Variants in SLC44A1 observed in about 807,000 individuals in gnomAD.
SLC44A1 encodes solute carrier family 44 member 1.
In SLC44A1, 26 loss-of-function variants were observed where a neutral mutation model predicts 79.3. The ratio of observed to expected loss-of-function variants is 0.33; its 90% CI spans 0.24 to 0.46. The LOEUF is 0.46. Ranked by LOEUF, SLC44A1 falls within the 20% of genes least tolerant of loss-of-function variation. The probability of loss-of-function intolerance (pLI) is 1.00; values close to 1 mark genes in which losing one functional copy is unlikely to be tolerated. For synonymous variants in SLC44A1, 263 were observed against 286.2 expected (o/e 0.92, Z 0.82); for missense variants, 688 against 798.1 (o/e 0.86, Z 1.66).
intron 12 of SLC44A1, among the ~76,000 whole-genome samples, chr9:105,367,190 T>A (rs574543073): frequency 3.3e-5 from 5 of 152,308 alleles, no homozygotes; most frequent in African/African-American, 7.2e-5. Flanking sequence ...AATGTATTAA[T>A]GCCCTCATCT....
At chr9:105,245,685 G>T (rs1333466906) in intron 1 of SLC44A1, among the ~76,000 whole-genome samples, 3 of 152,222 alleles carry the variant, frequency 2.0e-5, no homozygotes, top group Non-Finnish European at 4.4e-5. Flanking sequence ...AAGAGGTTCC[G>T]AATTTAGTTT....
intron 15 of SLC44A1, among the ~76,000 whole-genome samples, chr9:105,423,499 G>T (rs1267892794): frequency 1.3e-5 from 2 of 152,074 alleles, no homozygotes; most frequent in African/African-American, 4.8e-5. Flanking sequence ...TCAAGAATGT[G>T]CACATTTTTA....
Position 105,391,505 on chromosome 9 carries a change from A to G in SLC44A1, c.*2449A>G. 1 of 985,690 alleles carries G rather than the reference A, an allele frequency of 1.0e-6. No homozygotes were observed. Among genetic ancestry groups the G allele is most frequent in the Non-Finnish European group, 1.2e-6 (1 of 829,896 alleles). The allele number at this position is 985,690 out of a possible 1,614,324, so 61.1% of individuals were successfully genotyped here. On this transcript the variant is annotated 3_prime_UTR_variant, in exon 16 of 16. Transcript: ENST00000374720. Reference sequence around the variant, plus strand: ...GTAAATTCATGTGCCGTGTAGAAATATGCAGATATGCATTACACAGGCACA... The same window carrying G: ...GTAAATTCATGTGCCGTGTAGAAATGTGCAGATATGCATTACACAGGCACA...
chr9:105,396,907 T>C lies in SLC44A1; in HGVS notation c.*7851T>C, dbSNP rs1828887845. ...TTATTACAGTGTCACTACACTGTAT[T>C]CATGTGGGGGAACAAACATGTAGGT... On this transcript the variant is annotated 3_prime_UTR_variant, in exon 16 of 16. Coordinates refer to ENST00000374720, the MANE Select transcript of SLC44A1 (RefSeq NM_080546.5). The C allele has an allele frequency of 1.0e-6, 1 of 985,110 alleles. No individual in the cohort carries two copies. Among genetic ancestry groups the C allele is most frequent in the Admixed American group, 6.1e-5 (1 of 16,268 alleles). 61.0% of individuals were successfully genotyped at this position (985,110 alleles called of 1,614,324 possible). A position where few individuals can be genotyped will look rare whatever the true frequency, so the allele number is the denominator to read the frequency against.
intron 1 of SLC44A1, among the ~76,000 whole-genome samples, chr9:105,289,019 C>T (rs1830540782): frequency 6.6e-6 from 1 of 152,214 alleles, no homozygotes; most frequent in South Asian, 2.1e-4. Context: ...TAACAAACAT[C>T]TTTGGGAAAT....
rs1351058878 is a variant in SLC44A1, at chr9:105,392,399, CTCTCTTTTTTTT to C, written c.*3345_*3356del. On this transcript the variant is annotated 3_prime_UTR_variant, in exon 16 of 16. Transcript: ENST00000374720. Reference sequence around the variant, plus strand: ...TTTTGTAGAGATGCTCTCTCTCTCTCTCTCTTTTTTTTTTTTTTTTTTTTTTTTTTTCCGTGA... The same window carrying C: ...TTTTGTAGAGATGCTCTCTCTCTCTCTTTTTTTTTTTTTTTTTTTCCGTGA... The C allele has an allele frequency of 6.3e-3, 5,110 of 816,076 alleles. 6 individuals are homozygous for C. The highest frequency in any genetic ancestry group is 6.8e-3 in the Non-Finnish European group (4,795 of 704,686). 50.6% of individuals were successfully genotyped at this position (816,076 alleles called of 1,614,324 possible). A position where few individuals can be genotyped will look rare whatever the true frequency, so the allele number is the denominator to read the frequency against.
intron 2 of SLC44A1, among the ~76,000 whole-genome samples, chr9:105,303,859 C>G (rs1405314931): frequency 6.6e-6 from 1 of 152,198 alleles, no homozygotes; most frequent in Non-Finnish European, 1.5e-5. Flanking sequence ...TTGGCATCAC[C>G]TCTTCCTTTA....
chr9:105,377,894 G>A lies in SLC44A1; in HGVS notation c.1632+3159G>A, dbSNP rs1828342332. On this transcript the variant is annotated intron_variant, in intron 13 of 15. Transcript: ENST00000374720. ...TCATGTCTTTATAGAGTGTCTACTA[G>A]TAATGTGGTAAGGACTGTTACAGGT... is the stretch of plus-strand genomic sequence containing the variant. Among the ~76,000 whole-genome samples the A allele has an allele frequency of 1.3e-5, 2 of 152,006 alleles. 1 individual carries two copies. The highest frequency in any genetic ancestry group is 4.1e-4 in the South Asian group (2 of 4,820).
chr9:105,268,867 G>C (rs967231661), intron 1 of SLC44A1, among the ~76,000 whole-genome samples: 1 of 152,088 alleles, frequency 6.6e-6, no homozygotes, highest in African/African-American at 2.4e-5. Context: ...CCTTTCTTCT[G>C]GATTCTTAAT....
Position 105,287,593 on chromosome 9 carries a change from G to A in SLC44A1, c.37-11627G>A, listed in dbSNP as rs150593260. 4.8e-3 allele frequency among the ~76,000 whole-genome samples: 727 copies of A among 152,246 alleles called. 9 individuals carry two copies. Among genetic ancestry groups the A allele is most frequent in the African/African-American group, 0.017 (690 of 41,548 alleles). On this transcript the variant is annotated intron_variant, in intron 1 of 15. Transcript: ENST00000374720. The stretch of plus-strand genomic sequence containing the variant: ...TAGGAAAGGACATAACAATGATTTA[G>A]GGCTTAGTCCTAGGAACTTAAAATC...
chr9:105,336,458 C>T (rs979982520), intron 4 of SLC44A1, among the ~76,000 whole-genome samples: 1 of 152,146 alleles, frequency 6.6e-6, no homozygotes, highest in Non-Finnish European at 1.5e-5. Context: ...TCCTCAGGTC[C>T]ACATGGCTTG....
chr9:105,392,013 A>G lies in SLC44A1; in HGVS notation c.*2957A>G, dbSNP rs1353683121. The G allele has an allele frequency of 1.0e-6, 1 of 985,238 alleles. No individual in the cohort carries two copies. Among genetic ancestry groups the G allele is most frequent in the Non-Finnish European group, 1.2e-6 (1 of 829,896 alleles). 61.0% of individuals were successfully genotyped at this position (985,238 alleles called of 1,614,324 possible). A position where few individuals can be genotyped will look rare whatever the true frequency, so the allele number is the denominator to read the frequency against. ...CTTTCTAAGCTCCTGCCTGAAGAAT[A>G]AGGTCTTCCATAATATGGAAGAGAA... On this transcript the variant is annotated 3_prime_UTR_variant, in exon 16 of 16. Transcript: ENST00000374720.
chr9:105,365,366 A>G (rs1254914798), intron 10 of SLC44A1, 117 bp from the exon 11 acceptor site: 5 of 712,870 alleles, frequency 7.0e-6, no homozygotes, highest in Non-Finnish European at 9.3e-6. Context: ...TCATAAAGCT[A>G]AAATAAGAAT....
At chr9:105,301,529 T>A (rs1470693660) in intron 2 of SLC44A1, among the ~76,000 whole-genome samples, 2 of 152,218 alleles carry the variant, frequency 1.3e-5, no homozygotes, top group Non-Finnish European at 2.9e-5. Context: ...TTTTTTGGCT[T>A]CTGAGTATTT....
chr9:105,301,656 G>A (rs1197938888), intron 2 of SLC44A1, among the ~76,000 whole-genome samples: 8 of 152,026 alleles, frequency 5.3e-5, no homozygotes, highest in South Asian at 2.1e-4. Flanking sequence ...ACTTTAGTAC[G>A]TGTATATATA....
intron 15 of SLC44A1, among the ~76,000 whole-genome samples, chr9:105,431,695 A>G (rs770791361): frequency 2.0e-5 from 3 of 152,222 alleles, no homozygotes; most frequent in Non-Finnish European, 4.4e-5. Context: ...ATTCCAGTCC[A>G]TATAGCTTGG....
intron 10 of SLC44A1, among the ~76,000 whole-genome samples, chr9:105,365,077 G>A (rs1027599412): frequency 1.3e-5 from 2 of 152,172 alleles, no homozygotes; most frequent in African/African-American, 4.8e-5. Flanking sequence ...CGGAACAAGT[G>A]TGAGTTCCCT....
intron 9 of SLC44A1, 152 bp downstream of exon 9, chr9:105,363,159 T>A (rs1827833269): frequency 3.3e-6 from 2 of 613,404 alleles, no homozygotes; most frequent in Non-Finnish European, 5.6e-6. Flanking sequence ...AACAACCTAC[T>A]TCATATTCGT....
At chr9:105,311,638 T>C (rs1219512069) in intron 3 of SLC44A1, among the ~76,000 whole-genome samples, 1 of 152,218 alleles carries the variant, frequency 6.6e-6, no homozygotes, top group Non-Finnish European at 1.5e-5. Context: ...TTTAGAATAG[T>C]CAAGAGCCAT....
Sources: gnomAD v4.1 joint callset for allele counts (sites outside exome capture counted in the v4.1 genomes callset) on GRCh38, gnomAD v4.1.1 for gene constraint, MANE v1.5 for transcripts, NCBI Gene and HGNC (gene_info 2026-07-23, HGNC 2026-07-21) for gene names.